The following KCNK13 variants were observed in gnomAD, a reference collection of about 807,000 sequenced individuals.
KCNK13 encodes potassium two pore domain channel subfamily K member 13, also known as potassium channel subfamily K member 13.
In KCNK13, 12 loss-of-function variants were observed where a neutral mutation model predicts 23.4. The observed-to-expected ratio is 0.51, with a 90% CI of 0.33 to 0.83. KCNK13 has a LOEUF of 0.83. Ranked by LOEUF, KCNK13 falls within the 40% of genes least tolerant of loss-of-function variation. The pLI is 0.02. For synonymous variants in KCNK13, 231 were observed against 229.5 expected, an observed-to-expected ratio of 1.01 and a Z score of -0.06; for missense variants, 463 against 556.3, an observed-to-expected ratio of 0.83 and a Z score of 1.69.
In KCNK13 at chr14:90,069,286, C is replaced by T. The variant is rs552313553; in HGVS notation, c.334+6747C>T. On this transcript the variant is annotated intron_variant, in intron 1 of 1. Transcript: ENST00000282146. ...TCCTGACCTCGTGATCTGCCCACCT[C>T]GGCCTCCCAAAGTGCTGGGATTATA... Among the ~76,000 whole-genome samples, 17 of 152,210 alleles carry T rather than the reference C, an allele frequency of 1.1e-4. No homozygotes were observed. In the East Asian group the frequency reaches 2.1e-3, roughly 19 times the overall value.
intron 1 of KCNK13, among the ~76,000 whole-genome samples, chr14:90,181,021 T>G (rs1223518735): frequency 6.6e-6 from 1 of 152,280 alleles, no homozygotes; most frequent in African/African-American, 2.4e-5. Context: ...CACGCCCAGC[T>G]AATTTTTGTA....
intron 1 of KCNK13, among the ~76,000 whole-genome samples, chr14:90,095,076 A>G (rs903224028): frequency 3.5e-4 from 53 of 152,344 alleles, no homozygotes; most frequent in African/African-American, 1.1e-3. Context: ...CCTCTTCAAA[A>G]AATGTGTGCC....
intron 1 of KCNK13, among the ~76,000 whole-genome samples, chr14:90,109,094 G>A (rs1044337182): frequency 3.0e-4 from 46 of 151,584 alleles, no homozygotes; most frequent in African/African-American, 9.0e-4. Context: ...GGAGCATGGC[G>A]TGAACCCGGG....
At chr14:90,181,947 T>C (rs1450774121) in intron 1 of KCNK13, among the ~76,000 whole-genome samples, 2 of 152,200 alleles carry the variant, frequency 1.3e-5, no homozygotes, top group Non-Finnish European at 2.9e-5. Context: ...TCTTGCAGCT[T>C]TGGGGTCTAC....
At chr14:90,110,486 G>GA (rs11292418) in intron 1 of KCNK13, among the ~76,000 whole-genome samples, 10,344 of 135,706 alleles carry the variant, frequency 0.076, 867 homozygotes, top group African/African-American at 0.21. Flanking sequence ...TCTCAAAAAA[G>GA]AAAAAAAAAA....
chr14:90,176,421 C>T (rs1199108026), intron 1 of KCNK13, among the ~76,000 whole-genome samples: 5 of 152,128 alleles, frequency 3.3e-5, no homozygotes, highest in African/African-American at 7.2e-5. Context: ...CACTTCCCAT[C>T]CCCCACCTCA....
chr14:90,077,168 G>A (rs1408618197), intron 1 of KCNK13, among the ~76,000 whole-genome samples: 1 of 143,586 alleles, frequency 7.0e-6, no homozygotes, highest in Non-Finnish European at 1.5e-5. Context: ...TGCCCAGGCT[G>A]GAGTTCAATG....
At chr14:90,150,947 C>T (rs746548589) in intron 1 of KCNK13, among the ~76,000 whole-genome samples, 1 of 151,980 alleles carries the variant, frequency 6.6e-6, no homozygotes, top group Non-Finnish European at 1.5e-5. Context: ...CCACTATACT[C>T]CAGCCTGGGT....
chr14:90,183,869 A>G (rs534395813), intron 1 of KCNK13, among the ~76,000 whole-genome samples: 122 of 152,274 alleles, frequency 8.0e-4, no homozygotes, highest in African/African-American at 2.9e-3. Context: ...CACCATGAGG[A>G]TGAGGTGCTA....
intron 1 of KCNK13, among the ~76,000 whole-genome samples, chr14:90,074,668 GTGTC>G (rs1395835368): frequency 4.6e-5 from 7 of 151,946 alleles, no homozygotes; most frequent in African/African-American, 1.7e-4. Flanking sequence ...GTATATCCTG[GTGTC>G]TGTATTTATT....
chr14:90,103,798 G>A (rs1384851206), intron 1 of KCNK13, among the ~76,000 whole-genome samples: 1 of 152,120 alleles, frequency 6.6e-6, no homozygotes, highest in Non-Finnish European at 1.5e-5. Flanking sequence ...CGGGACCTTA[G>A]GTGATCTGCC....
intron 1 of KCNK13, among the ~76,000 whole-genome samples, chr14:90,091,238 G>T (rs1164849539): frequency 6.6e-6 from 1 of 152,156 alleles, no homozygotes. Flanking sequence ...TTTCCTGATG[G>T]GGTGCATGGA....
intron 1 of KCNK13, among the ~76,000 whole-genome samples, chr14:90,066,609 T>C (rs1412548719): frequency 2.0e-5 from 3 of 152,220 alleles, no homozygotes; most frequent in Admixed American, 6.5e-5. Flanking sequence ...TGGGATTATA[T>C]GTAGGAGACA....
intron 1 of KCNK13, among the ~76,000 whole-genome samples, chr14:90,173,862 G>A (rs7141542): frequency 0.25 from 37,719 of 152,086 alleles, 6,598 homozygotes; most frequent in African/African-American, 0.5. Flanking sequence ...AGACTGGATA[G>A]TTTATAAAGA....
intron 1 of KCNK13, among the ~76,000 whole-genome samples, chr14:90,078,794 G>A (rs1428334682): frequency 6.6e-6 from 1 of 152,134 alleles, no homozygotes; most frequent in Admixed American, 6.6e-5. Flanking sequence ...GGAGGACATG[G>A]GGCCTAGGGG....
intron 1 of KCNK13, among the ~76,000 whole-genome samples, chr14:90,178,901 G>A (rs550326253): frequency 2.0e-5 from 3 of 152,244 alleles, no homozygotes; most frequent in African/African-American, 4.8e-5. Context: ...CATACCAAAT[G>A]AGAGGGGAGA....
At position 90,121,944 on chromosome 14, in the gene KCNK13, C is replaced by T. The variant is rs369379840; in HGVS notation, c.334+59405C>T. On this transcript the variant is annotated intron_variant, in intron 1 of 1. Transcript: ENST00000282146. ...CATGTTGGCTAGGCTGATCTCGAAC[C>T]GCTGACCTCAAGTGATCTGCCCGCC... Among the ~76,000 whole-genome samples the T allele has an allele frequency of 1.4e-4, 22 of 151,882 alleles. 1 individual carries two copies. Among genetic ancestry groups the T allele is most frequent in the Admixed American group, 3.9e-4 (6 of 15,240 alleles).
intron 1 of KCNK13, among the ~76,000 whole-genome samples, chr14:90,069,414 T>C (rs1009500722): frequency 2.6e-5 from 4 of 152,206 alleles, no homozygotes; most frequent in African/African-American, 9.7e-5. Flanking sequence ...TGGCTCTGCA[T>C]GGCTGTACTC....
intron 1 of KCNK13, among the ~76,000 whole-genome samples, chr14:90,174,560 C>G (rs1890401899): frequency 6.6e-6 from 1 of 152,038 alleles, no homozygotes; most frequent in Non-Finnish European, 1.5e-5. Flanking sequence ...TATTTAAAAA[C>G]TGGAGGTCAG....
Sources: allele counts gnomAD v4.1 joint callset (sites outside exome capture counted in the v4.1 genomes callset), GRCh38; gene constraint gnomAD v4.1.1; transcripts MANE v1.5; gene names NCBI Gene and HGNC (gene_info 2026-07-23, HGNC 2026-07-21).